Variants in PCDHGA6 observed in about 807,000 individuals in gnomAD.
PCDHGA6 encodes protocadherin gamma subfamily A, 6, also known as protocadherin gamma-A6.
A neutral mutation model predicts 60.6 loss-of-function variants in PCDHGA6; 41 were observed. The observed-to-expected ratio is 0.68, with a 90% confidence interval of 0.53 to 0.88. PCDHGA6 has a LOEUF of 0.88. PCDHGA6 is among the 40% of genes least tolerant of loss of function. The probability of loss-of-function intolerance (pLI) is 0.00; values close to 1 mark genes in which losing one functional copy is unlikely to be tolerated. For synonymous variants in PCDHGA6, 594 were observed against 524.4 expected, an observed-to-expected ratio of 1.13 and a Z score of -1.81; for missense variants, 1,312 against 1,203.0, an observed-to-expected ratio of 1.09 and a Z score of -1.34.
At chr5:141,450,506 G>A (rs2098682958) in intron 1 of PCDHGA6, among the ~76,000 whole-genome samples, 2 of 151,914 alleles carry the variant, frequency 1.3e-5, no homozygotes, top group Admixed American at 6.6e-5. Context: ...TTTGTTTTGA[G>A]ATGGAGTCTC....
At chr5:141,403,513 T>C (rs754840157) in intron 1 of PCDHGA6, 1 of 1,613,714 alleles carries the variant, frequency 6.2e-7, no homozygotes, top group East Asian at 2.2e-5. Flanking sequence ...CTGGAGACAA[T>C]GGAGCCATAA....
intron 1 of PCDHGA6, chr5:141,404,996 G>C (rs776423830): frequency 6.2e-7 from 1 of 1,613,974 alleles, no homozygotes; most frequent in South Asian, 1.1e-5. Context: ...TCAGATCCCT[G>C]CAGACCTGGA....
At chr5:141,419,413 C>T (rs568417008) in intron 1 of PCDHGA6, 4 of 1,613,444 alleles carry the variant, frequency 2.5e-6, no homozygotes, top group African/African-American at 1.3e-5. Flanking sequence ...TCGCGCAGCG[C>T]GCCTTCGACC....
chr5:141,503,401 C>A (rs987421198), intron 2 of PCDHGA6, among the ~76,000 whole-genome samples: 15 of 151,848 alleles, frequency 9.9e-5, no homozygotes, highest in Non-Finnish European at 1.9e-4. Context: ...TCGAAACCAA[C>A]CTGGCCAATA....
chr5:141,485,566 C>G lies in PCDHGA6; in HGVS notation c.2425-9241C>G, dbSNP rs768144422. On this transcript the variant is annotated intron_variant, in intron 1 of 3. Transcript: ENST00000517434. This position sits in a 1 kb window ranked among gnomAD's most constrained non-coding sequence, Gnocchi z 5.7. ...TCGTAGATGTGAATGATCACGCCCC[C>G]CGTTTTCCGCGGCAGCAGCTGGACT... 2.5e-6 allele frequency: 4 copies of G among 1,612,808 alleles called. No homozygotes were observed. Among genetic ancestry groups the G allele is most frequent in the South Asian group, 2.2e-5 (2 of 91,028 alleles).
intron 1 of PCDHGA6, chr5:141,424,513 T>C (rs1339689551): frequency 6.6e-6 from 1 of 152,224 alleles, no homozygotes; most frequent in Non-Finnish European, 1.5e-5. Context: ...GGTTTTTTAA[T>C]GTAGTAAATC....
In PCDHGA6 at chr5:141,476,089, C is replaced by A; in HGVS notation, c.2425-18718C>A. 1 of 1,560,716 alleles carries A rather than the reference C, an allele frequency of 6.4e-7. No individual in the cohort carries two copies. The highest frequency in any genetic ancestry group is 8.6e-7 in the Non-Finnish European group (1 of 1,158,372). On this transcript the variant is annotated intron_variant, in intron 1 of 3. Coordinates refer to ENST00000517434, the MANE Select transcript of PCDHGA6 (RefSeq NM_018919.3). This position sits in a 1 kb window ranked among gnomAD's most constrained non-coding sequence, Gnocchi z 7.6. ...CGAAATCTCAGGGACGATCTGGACC[C>A]CGCTGAGAGGAACTGCTTTTGAGTG...
At chr5:141,450,829 ATT>A (rs373424450) in intron 1 of PCDHGA6, among the ~76,000 whole-genome samples, 3 of 135,116 alleles carry the variant, frequency 2.2e-5, no homozygotes, top group African/African-American at 2.7e-5. Flanking sequence ...TATTATTATT[ATT>A]TTTTTTTTTT....
At chr5:141,387,655 C>T (rs2091029456) in intron 1 of PCDHGA6, 1 of 644,664 alleles carries the variant, frequency 1.6e-6, no homozygotes, top group Admixed American at 3.3e-5. Context: ...AAGTGGAGAG[C>T]TTGGCGCTCC....
intron 1 of PCDHGA6, chr5:141,478,531 C>A (rs771145308): frequency 8.1e-6 from 13 of 1,608,072 alleles, no homozygotes; most frequent in Admixed American, 5.1e-5. Context: ...GTGCAGAGAG[C>A]GCCCCTCCCG....
At chr5:141,409,743 T>C in intron 1 of PCDHGA6, 2 of 1,613,048 alleles carry the variant, frequency 1.2e-6, no homozygotes, top group Non-Finnish European at 1.7e-6. Flanking sequence ...AGCGGGGTGG[T>C]GTTCGCGCAG....
At chr5:141,404,382 A>T in intron 1 of PCDHGA6, 2 of 1,613,978 alleles carry the variant, frequency 1.2e-6, no homozygotes, top group Non-Finnish European at 1.7e-6. Context: ...GTGATTGCCT[A>T]TGACCCTGAT....
rs992096722 is a variant in PCDHGA6, at chr5:141,413,506, A to G, written c.2424+36999A>G. 3 of 1,613,910 alleles carry G rather than the reference A, an allele frequency of 1.9e-6. No individual in the cohort carries two copies. The highest frequency in any genetic ancestry group is 2.7e-5 in the African/African-American group (2 of 74,954). On this transcript the variant is annotated intron_variant, in intron 1 of 3. Coordinates refer to ENST00000517434, the MANE Select transcript of PCDHGA6 (RefSeq NM_018919.3). ...GAGCGCGCGGTGCGTGGTGAGTTTT[A>G]ATATCCTTGTGGAAGACAGGGTGAA... is the stretch of plus-strand genomic sequence containing the variant.
intron 1 of PCDHGA6, chr5:141,392,986 A>G (rs573495684): frequency 1.9e-6 from 3 of 1,613,454 alleles, no homozygotes; most frequent in East Asian, 4.5e-5. Context: ...GACCCCCGGA[A>G]GCTGGCGAAG....
intron 1 of PCDHGA6, among the ~76,000 whole-genome samples, chr5:141,450,485 TTGTC>T (rs1466269978): frequency 1.3e-5 from 2 of 152,158 alleles, no homozygotes; most frequent in African/African-American, 2.4e-5. Flanking sequence ...GTTTGTTTGT[TTGTC>T]TGTTTGTTTG....
chr5:141,455,577 C>T (rs1000865176), intron 1 of PCDHGA6, among the ~76,000 whole-genome samples: 3 of 152,120 alleles, frequency 2.0e-5, no homozygotes, highest in East Asian at 1.9e-4. Context: ...CCCACCCCAG[C>T]CTTTTAATAT....
intron 1 of PCDHGA6, chr5:141,422,871 G>T (rs769543752): frequency 3.7e-6 from 6 of 1,614,098 alleles, no homozygotes; most frequent in Non-Finnish European, 5.1e-6. Context: ...GCAACGTGTC[G>T]CTGAGCCTGT....
chr5:141,466,573 C>T (rs2099125317), intron 1 of PCDHGA6, among the ~76,000 whole-genome samples: 1 of 152,104 alleles, frequency 6.6e-6, no homozygotes, highest in South Asian at 2.1e-4. Context: ...TCAACATTGT[C>T]TCATCCCTTC....
intron 1 of PCDHGA6, among the ~76,000 whole-genome samples, chr5:141,438,591 C>CATATATAT (rs946798767): frequency 3.4e-4 from 26 of 75,528 alleles, no homozygotes; most frequent in Non-Finnish European, 5.4e-4. Flanking sequence ...TACATACATA[C>CATATATAT]ATATATATAT....
Sources: allele counts gnomAD v4.1 joint callset (sites outside exome capture counted in the v4.1 genomes callset), GRCh38; gene constraint gnomAD v4.1.1; non-coding constraint Gnocchi (gnomAD v3.1); transcripts MANE v1.5; gene names NCBI Gene and HGNC (gene_info 2026-07-23, HGNC 2026-07-21).